SLC39A8: variants seen among roughly 807,000 people sequenced by gnomAD.
SLC39A8 encodes the protein solute carrier family 39 member 8.
A neutral mutation model predicts 40.4 loss-of-function variants in SLC39A8; 15 were observed. The observed-to-expected ratio is 0.37, with a 90% CI of 0.25 to 0.57. The LOEUF (loss-of-function observed/expected upper bound fraction) is 0.57, where lower values mean the gene tolerates loss of function less well. Ranked by LOEUF, SLC39A8 falls within the 20% of genes least tolerant of loss-of-function variation. The probability of loss-of-function intolerance (pLI) is 0.75; values close to 1 mark genes in which losing one functional copy is unlikely to be tolerated. For missense variants in SLC39A8, 472 were observed against 558.8 expected (o/e 0.84, Z 1.57); for synonymous variants, 223 against 221.6 (o/e 1.01, Z -0.06).
chr4:102,253,341 A>C (rs962873135), exon 12 of SLC39A8: 1 of 691,844 alleles, frequency 1.4e-6, no homozygotes, highest in Admixed American at 2.2e-5. Context: ...ACTATGTCAT[A>C]TGCCAACCTC....
intron 6 of SLC39A8, among the ~76,000 whole-genome samples, chr4:102,279,969 G>A (rs902564319): frequency 6.6e-6 from 1 of 152,120 alleles, no homozygotes; most frequent in Non-Finnish European, 1.5e-5. Context: ...TTCCCCATAA[G>A]ACCTGCAGGC....
At chr4:102,301,942 AT>A (rs1160615168) in intron 6 of SLC39A8, among the ~76,000 whole-genome samples, 2 of 152,086 alleles carry the variant, frequency 1.3e-5, no homozygotes, top group Non-Finnish European at 2.9e-5. Flanking sequence ...CTCAAGGCAC[AT>A]TTAGCAGCTA....
At chr4:102,337,778 C>G (rs1735739636) in intron 2 of SLC39A8, among the ~76,000 whole-genome samples, 1 of 152,180 alleles carries the variant, frequency 6.6e-6, no homozygotes, top group Non-Finnish European at 1.5e-5. Context: ...TGAAAGGTTT[C>G]ATACTAGACA....
Position 102,262,718 on chromosome 4 carries a change from C to T in SLC39A8, c.*326G>A. 11 of 1,018,786 alleles carry T rather than the reference C, an allele frequency of 1.1e-5. No homozygotes were observed. The highest frequency in any genetic ancestry group is 1.2e-5 in the Non-Finnish European group (10 of 852,048). The allele number at this position is 1,018,786 out of a possible 1,614,324, so 63.1% of individuals were successfully genotyped here. A position where few individuals can be genotyped will look rare whatever the true frequency, so the allele number is the denominator to read the frequency against. On this transcript the variant is annotated 3_prime_UTR_variant, in exon 9 of 9. Transcript: ENST00000356736. ...CTTTCAGGATATAACTTGTATTTTC[C>T]CCTGAGTCTGAGTGTCTACATGATT...
intron 6 of SLC39A8, among the ~76,000 whole-genome samples, chr4:102,270,536 A>G (rs891694706): frequency 3.3e-5 from 5 of 152,014 alleles, no homozygotes; most frequent in African/African-American, 1.2e-4. Context: ...TCCTTTTTAA[A>G]TTTTTGTTTT....
intron 2 of SLC39A8, among the ~76,000 whole-genome samples, chr4:102,329,415 G>C (rs1038900507): frequency 6.6e-6 from 1 of 151,944 alleles, no homozygotes; most frequent in Non-Finnish European, 1.5e-5. Context: ...CTGATGTCAA[G>C]AGTTCAAGAC....
chr4:102,286,392 CCTAATTGACTAAAACCTCA>C (rs1237192571), intron 6 of SLC39A8, among the ~76,000 whole-genome samples: 1 of 152,090 alleles, frequency 6.6e-6, no homozygotes, highest in Non-Finnish European at 1.5e-5. Context: ...TGACATCAAG[CCTAATTGACTAAAACCTCA>C]CTAATTCTTC....
At chr4:102,266,123 G>A (rs1253748162) in intron 8 of SLC39A8, among the ~76,000 whole-genome samples, 1 of 152,040 alleles carries the variant, frequency 6.6e-6, no homozygotes. Flanking sequence ...TCATCTGTGT[G>A]ATTTTTTGTT....
chr4:102,285,613 A>C (rs1733136279), intron 6 of SLC39A8, among the ~76,000 whole-genome samples: 1 of 141,052 alleles, frequency 7.1e-6, no homozygotes, highest in Non-Finnish European at 1.6e-5. Context: ...GAGACAAATA[A>C]ATATTATAGA....
At chr4:102,291,310 A>G (rs1733429822) in intron 6 of SLC39A8, among the ~76,000 whole-genome samples, 1 of 150,392 alleles carries the variant, frequency 6.6e-6, no homozygotes, top group Non-Finnish European at 1.5e-5. Flanking sequence ...TAAACCAAGG[A>G]ATGAGTTATT....
intron 6 of SLC39A8, among the ~76,000 whole-genome samples, chr4:102,284,973 T>C (rs1733095995): frequency 1.3e-5 from 2 of 152,144 alleles, no homozygotes; most frequent in African/African-American, 2.4e-5. Context: ...TAATCTCTAT[T>C]GGTGTTTCCT....
chr4:102,251,980 T>C (rs942861861), exon 12 of SLC39A8: 2 of 152,248 alleles, frequency 1.3e-5, no homozygotes, highest in Non-Finnish European at 2.9e-5. Context: ...GCATAATTCT[T>C]AACCTCTTCA....
chr4:102,328,315 G>T (rs1052087192), intron 2 of SLC39A8, among the ~76,000 whole-genome samples: 8 of 151,250 alleles, frequency 5.3e-5, no homozygotes, highest in Non-Finnish European at 1.2e-4. Flanking sequence ...AATACAATGG[G>T]TGCTTCTCAG....
chr4:102,277,424 A>C (rs1404140812), intron 6 of SLC39A8, among the ~76,000 whole-genome samples: 1 of 152,198 alleles, frequency 6.6e-6, no homozygotes, highest in South Asian at 2.1e-4. Context: ...TAGGAATACA[A>C]CTTACAAGGG....
At chr4:102,310,866 A>G (rs1227642478) in intron 3 of SLC39A8, among the ~76,000 whole-genome samples, 1 of 152,166 alleles carries the variant, frequency 6.6e-6, no homozygotes, top group Non-Finnish European at 1.5e-5. Flanking sequence ...TCAAAGAAAT[A>G]CAGTCAGGAT....
intron 6 of SLC39A8, among the ~76,000 whole-genome samples, chr4:102,276,275 T>G (rs1422040899): frequency 6.6e-6 from 1 of 151,808 alleles, no homozygotes; most frequent in Non-Finnish European, 1.5e-5. Flanking sequence ...AAGAATCAAA[T>G]AGACACAATA....
chr4:102,253,270 T>C (rs1731634709), exon 12 of SLC39A8: 2 of 444,752 alleles, frequency 4.5e-6, no homozygotes, highest in African/African-American at 2.0e-5. Flanking sequence ...AGAGGCTGTA[T>C]CTTCCTTACT....
At chr4:102,336,080 G>A (rs1735658834) in intron 2 of SLC39A8, among the ~76,000 whole-genome samples, 2 of 152,018 alleles carry the variant, frequency 1.3e-5, no homozygotes, top group South Asian at 4.1e-4. Context: ...ATTGTCTTTT[G>A]TATTACGTAT....
intron 2 of SLC39A8, 126 bp downstream of exon 2, chr4:102,344,318 C>A (rs1415011653): frequency 6.2e-6 from 4 of 648,770 alleles, no homozygotes; most frequent in Non-Finnish European, 9.8e-6. Context: ...CAGATACCGC[C>A]TTCTACTTGA....
Sources: gnomAD v4.1 joint callset for allele counts (sites outside exome capture counted in the v4.1 genomes callset) on GRCh38, gnomAD v4.1.1 for gene constraint, MANE v1.5 for transcripts, NCBI Gene and HGNC (gene_info 2026-07-23, HGNC 2026-07-21) for gene names.